Variants in LIPC observed in about 807,000 individuals in gnomAD.
The protein encoded by LIPC is lipase C, hepatic type, also known as hepatic triacylglycerol lipase.
Under a neutral mutation model 50.7 loss-of-function variants are expected in LIPC, and 44 were observed. The observed-to-expected ratio is 0.87, with a 90% CI of 0.68 to 1.11. The LOEUF is 1.11. Among genes scored for constraint, LIPC ranks in the 50% most tolerant of loss-of-function variants. The pLI, the probability that LIPC is intolerant of heterozygous loss-of-function variation, is 0.00. For missense variants in LIPC, 697 were observed against 648.2 expected, an observed-to-expected ratio of 1.08 and a Z score of -0.82; for synonymous variants, 271 against 256.4, an observed-to-expected ratio of 1.06 and a Z score of -0.54.
At chr15:58,505,183 C>G (rs1324495497) in intron 1 of LIPC, among the ~76,000 whole-genome samples, 2 of 152,238 alleles carry the variant, frequency 1.3e-5, no homozygotes, top group African/African-American at 4.8e-5. Context: ...GGCTACCACT[C>G]TACAGCCGGC....
chr15:58,543,413 A>G lies in LIPC; in HGVS notation c.574+762A>G, dbSNP rs114468383. Among the ~76,000 whole-genome samples, 61 of 152,084 alleles carry G rather than the reference A, an allele frequency of 4.0e-4. 1 individual carries two copies. The South Asian group carries it at 0.012, about 31-fold the overall frequency. ...CCTGCTGATCCCTTCCCATAGCTCT[A>G]GGCTTCAACGACACAAGGTTTTTCT... On this transcript the variant is annotated intron_variant, in intron 4 of 8. Transcript: ENST00000299022.
At chr15:58,450,815 G>A (rs749771660) in intron 1 of LIPC, among the ~76,000 whole-genome samples, 1 of 152,106 alleles carries the variant, frequency 6.6e-6, no homozygotes, top group Non-Finnish European at 1.5e-5. Flanking sequence ...TTTACCAATG[G>A]TCCCTAAGCG....
intron 1 of LIPC, among the ~76,000 whole-genome samples, chr15:58,493,952 G>A (rs1237734752): frequency 2.6e-5 from 4 of 152,144 alleles, no homozygotes; most frequent in Non-Finnish European, 4.4e-5. Context: ...CAGGTAGGAG[G>A]AGAGGTTTTA....
intron 1 of LIPC, among the ~76,000 whole-genome samples, chr15:58,515,685 G>C (rs942312980): frequency 4.6e-5 from 7 of 152,050 alleles, no homozygotes; most frequent in Non-Finnish European, 7.4e-5. Context: ...GAGTTTGTGA[G>C]ACATAATGAG....
chr15:58,493,470 AATAT>A lies in LIPC; in HGVS notation c.89-44854_89-44851del, dbSNP rs139543896. ...TTAGATCCTGCCATTCACAATTTAA[AATAT>A]ATATATATTTTTTTGTGTATATATA... On this transcript the variant is annotated intron_variant, in intron 1 of 8. Coordinates refer to ENST00000299022, the MANE Select transcript of LIPC (RefSeq NM_000236.3). Among the ~76,000 whole-genome samples the A allele has an allele frequency of 3.2e-5, 3 of 93,414 alleles. 1 individual carries two copies. The highest frequency in any genetic ancestry group is 1.0e-4 in the Admixed American group (1 of 9,688). 61.3% of individuals were successfully genotyped at this position (93,414 alleles called of 152,430 possible). A position where few individuals can be genotyped will look rare whatever the true frequency, so the allele number is the denominator to read the frequency against.
intron 1 of LIPC, among the ~76,000 whole-genome samples, chr15:58,471,367 C>T (rs1009542625): frequency 2.0e-5 from 3 of 147,886 alleles, no homozygotes; most frequent in South Asian, 2.1e-4. Context: ...AAGCTGGTCT[C>T]GAACTCTTGA....
chr15:58,522,917 C>A (rs1566937841), intron 1 of LIPC: 4 of 152,292 alleles, frequency 2.6e-5, no homozygotes, highest in Admixed American at 2.0e-4. Flanking sequence ...GCCCGTGGCA[C>A]TTTCCAACAT....
chr15:58,502,639 G>T (rs1892024930), intron 1 of LIPC, among the ~76,000 whole-genome samples: 1 of 151,938 alleles, frequency 6.6e-6, no homozygotes. Flanking sequence ...TTGGGTTAAG[G>T]CTCCACCCTT....
Position 58,563,689 on chromosome 15 carries a change from A to G in LIPC, c.1354A>G (p.Thr452Ala). The change falls in exon 8 of 9, where the codon ACG becomes GCG. Residue 452 changes from threonine (T) to alanine (A), a missense_variant. Physicochemically the swap from Thr to Ala is moderately conservative, Grantham distance 58. Coordinates refer to ENST00000299022, the MANE Select transcript of LIPC (RefSeq NM_000236.3). Reference protein sequence around the residue: ...GPRHSGLVLKTIRVKAGETQQ... With the variant: ...GPRHSGLVLKAIRVKAGETQQ... ...GCGCCACTCAGGCCTCGTTCTGAAG[A>G]CGATCAGAGTCAAAGCAGGAGAAAC... 6.2e-7 allele frequency: 1 copy of G among 1,613,710 alleles called. No homozygotes were observed. The highest frequency in any genetic ancestry group is 8.5e-7 in the Non-Finnish European group (1 of 1,180,028).
At chr15:58,536,552 C>G (rs1338714060) in intron 1 of LIPC, among the ~76,000 whole-genome samples, 1 of 152,080 alleles carries the variant, frequency 6.6e-6, no homozygotes, top group African/African-American at 2.4e-5. Context: ...AAGCTTTGGA[C>G]TGATCGAGAA....
intron 1 of LIPC, among the ~76,000 whole-genome samples, chr15:58,495,257 C>G (rs573249966): frequency 6.6e-6 from 1 of 152,228 alleles, no homozygotes; most frequent in Non-Finnish European, 1.5e-5. Flanking sequence ...TTTTGAAAGA[C>G]TGGGTGATTC....
intron 8 of LIPC, chr15:58,566,137 G>A (rs1894358552): frequency 2.0e-6 from 2 of 977,276 alleles, no homozygotes; most frequent in Middle Eastern, 5.3e-4. Flanking sequence ...AAGCGACCAG[G>A]CAATGCTGTT....
intron 1 of LIPC, among the ~76,000 whole-genome samples, chr15:58,456,016 A>G (rs1595863720): frequency 6.6e-6 from 1 of 152,176 alleles, no homozygotes; most frequent in East Asian, 1.9e-4. Context: ...GACAATCTGG[A>G]AAGTTCTCCA....
intron 1 of LIPC, among the ~76,000 whole-genome samples, chr15:58,527,383 A>G (rs1481720173): frequency 6.6e-6 from 1 of 152,210 alleles, no homozygotes; most frequent in Non-Finnish European, 1.5e-5. Flanking sequence ...CACAGGGTGC[A>G]TGCTGCAGCC....
Position 58,560,966 on chromosome 15 carries a change from A to G in LIPC, c.1154A>G (p.Lys385Arg), listed in dbSNP as rs1314053882. ...CTCGGAACAAAAGAGAAAATGCAGA[A>G]AATTCCCATCACTCTGTGAGTAGGA... ...SLLGTKEKMQ[K>R]IPITLGKGIA... The change falls in exon 7 of 9, where the codon AAA becomes AGA. Residue 385 changes from lysine to arginine, a missense_variant. By Grantham distance (26) the Lys-to-Arg change is conservative. Coordinates refer to ENST00000299022, the MANE Select transcript of LIPC (RefSeq NM_000236.3). The G allele has an allele frequency of 6.5e-7, 1 of 1,529,352 alleles. No individual in the cohort carries two copies. Among genetic ancestry groups the G allele is most frequent in the Non-Finnish European group, 9.1e-7 (1 of 1,102,632 alleles). The allele number at this position is 1,529,352 out of a possible 1,614,324, so 94.7% of individuals were successfully genotyped here.
chr15:58,489,418 A>C (rs1308276251), intron 1 of LIPC, among the ~76,000 whole-genome samples: 1 of 152,090 alleles, frequency 6.6e-6, no homozygotes, highest in Non-Finnish European at 1.5e-5. Context: ...CTGAATGCTC[A>C]GCGGTTAGGG....
intron 1 of LIPC, among the ~76,000 whole-genome samples, chr15:58,437,479 T>C (rs1300204451): frequency 2.0e-5 from 3 of 152,300 alleles, no homozygotes; most frequent in South Asian, 2.1e-4. Flanking sequence ...ATTCTAAGTA[T>C]ATTTAAAGAT....
intron 2 of LIPC, among the ~76,000 whole-genome samples, chr15:58,540,278 A>G (rs1281421724): frequency 6.6e-6 from 1 of 152,172 alleles, no homozygotes; most frequent in Non-Finnish European, 1.5e-5. Flanking sequence ...TCCTCCTCCT[A>G]TTACTGCTAA....
At chr15:58,480,543 C>G (rs184983062) in intron 1 of LIPC, among the ~76,000 whole-genome samples, 1 of 152,158 alleles carries the variant, frequency 6.6e-6, no homozygotes, top group East Asian at 1.9e-4. Context: ...GATCCGCCCC[C>G]ACCTTGGCCT....
Sources: gnomAD v4.1 joint callset for allele counts (sites outside exome capture counted in the v4.1 genomes callset) on GRCh38, gnomAD v4.1.1 for gene constraint, MANE v1.5 for transcripts, NCBI Gene and HGNC (gene_info 2026-07-23, HGNC 2026-07-21) for gene names.